MID1: variants seen among roughly 807,000 people sequenced by gnomAD.
MID1 encodes the protein E3 ubiquitin-protein ligase Midline-1.
MID1 carries 7 observed loss-of-function variants against 40.4 expected under a neutral mutation model. The ratio of observed to expected loss-of-function variants is 0.17; its 90% CI spans 0.10 to 0.33. MID1 has a LOEUF of 0.33. Among genes scored for constraint, MID1 ranks in the 10% least tolerant of loss-of-function variants. MID1 has a pLI of 1.00. For missense variants in MID1, 367 were observed against 558.5 expected, an observed-to-expected ratio of 0.66 and a Z score of 3.46; for synonymous variants, 229 against 221.2, an observed-to-expected ratio of 1.04 and a Z score of -0.31.
chrX:10,624,362 A>C (rs1164957753), upstream of MID1, among the ~76,000 whole-genome samples: 1 of 112,196 alleles, frequency 8.9e-6, no homozygotes, highest in Non-Finnish European at 1.9e-5. Flanking sequence ...TGTAGTCAGA[A>C]ATGTACCCTA....
At chrX:10,810,963 T>G (rs1282774926) in intron 1 of MID1, among the ~76,000 whole-genome samples, 1 of 110,821 alleles carries the variant, frequency 9.0e-6, no homozygotes, top group African/African-American at 3.3e-5. Flanking sequence ...TTGTGCCCTT[T>G]GCATTTTTTC....
At chrX:10,634,885 G>A (rs752863675) in intron 1 of MID1, among the ~76,000 whole-genome samples, 4 of 111,203 alleles carry the variant, frequency 3.6e-5, no homozygotes, top group Non-Finnish European at 5.7e-5. Context: ...CTGGGGCCAC[G>A]TTATGATTTT....
chrX:10,765,724 T>C (rs2043715511), intron 1 of MID1, among the ~76,000 whole-genome samples: 1 of 110,868 alleles, frequency 9.0e-6, no homozygotes, highest in African/African-American at 3.3e-5. Flanking sequence ...CATCACTGTT[T>C]TTAAAAGCTC....
At chrX:10,687,467 T>C (rs756512168) in intron 1 of MID1, among the ~76,000 whole-genome samples, 1 of 112,035 alleles carries the variant, frequency 8.9e-6, no homozygotes, top group Non-Finnish European at 1.9e-5. Flanking sequence ...TTTTGTTCAA[T>C]TCAGTATGGT....
intron 1 of MID1, among the ~76,000 whole-genome samples, chrX:10,635,180 G>A (rs1213945847): frequency 8.9e-6 from 1 of 112,301 alleles, no homozygotes; most frequent in East Asian, 2.8e-4. Context: ...CAATTTCATT[G>A]TCATTCCATC....
chrX:10,719,419 C>G (rs1200271937), intron 1 of MID1, among the ~76,000 whole-genome samples: 2 of 110,836 alleles, frequency 1.8e-5, no homozygotes, highest in African/African-American at 6.6e-5. Flanking sequence ...AAACAGAGAG[C>G]CAAATCATGA....
intron 1 of MID1, among the ~76,000 whole-genome samples, chrX:10,781,450 A>T (rs2043845092): frequency 8.9e-6 from 1 of 112,075 alleles, no homozygotes; most frequent in Non-Finnish European, 1.9e-5. Context: ...TGTGTTATGG[A>T]TATTGAACAC....
intron 1 of MID1, among the ~76,000 whole-genome samples, chrX:10,706,532 C>T (rs1036343332): frequency 9.1e-6 from 1 of 110,490 alleles, no homozygotes; most frequent in African/African-American, 3.3e-5. Flanking sequence ...AAGCGTTTTT[C>T]CCCCTTTTGC....
chrX:10,482,703 C>T (rs746952639), intron 4 of MID1, 75 bp from the exon 5 acceptor site: 1 of 1,062,577 alleles, frequency 9.4e-7, no homozygotes, highest in Admixed American at 2.2e-5. Flanking sequence ...AGGCTGGATC[C>T]TTCATTTTGT....
At chrX:10,630,547 G>C (rs373890061) in intron 1 of MID1, among the ~76,000 whole-genome samples, 2 of 109,706 alleles carry the variant, frequency 1.8e-5, no homozygotes, top group Admixed American at 2.0e-4. Context: ...GGGGGCGGGG[G>C]CAGTGGTTGT....
chrX:10,685,877 TAC>T (rs56245034), intron 1 of MID1, among the ~76,000 whole-genome samples: 7,816 of 80,311 alleles, frequency 0.097, 339 homozygotes, highest in Middle Eastern at 0.17. Flanking sequence ...CACATACTCA[TAC>T]ACACACACAC....
chrX:10,749,122 C>T (rs1478536256), intron 1 of MID1, among the ~76,000 whole-genome samples: 1 of 111,442 alleles, frequency 9.0e-6, no homozygotes, highest in Non-Finnish European at 1.9e-5. Flanking sequence ...TCTCTTCCAA[C>T]ATTGTCTGAA....
rs531532360 is a variant in MID1, at chrX:10,795,127, G to A, written c.-187+38427C>T. ...CCTCCACCCACACTGGATGCCAGGA[G>A]CATCGCACCTTCTCCCCCCAAAATG... On this transcript the variant is annotated intron_variant, in intron 1 of 10. Transcript: ENST00000380785. Among the ~76,000 whole-genome samples, 95 of 111,586 alleles carry A rather than the reference G, an allele frequency of 8.5e-4. 1 individual carries two copies. In the South Asian group the frequency reaches 0.034, roughly 40 times the overall value.
intron 1 of MID1, among the ~76,000 whole-genome samples, chrX:10,618,105 G>T (rs1487611183): frequency 8.9e-6 from 1 of 112,104 alleles, no homozygotes; most frequent in Non-Finnish European, 1.9e-5. Context: ...GCTATCAGTG[G>T]CAGGCAGGGG....
intron 1 of MID1, among the ~76,000 whole-genome samples, chrX:10,591,022 G>C (rs1241654997): frequency 9.0e-6 from 1 of 111,238 alleles, no homozygotes; most frequent in Non-Finnish European, 1.9e-5. Flanking sequence ...AATTAGACAA[G>C]AAGCTGGCTT....
At chrX:10,786,971 TA>T (rs745501413) in intron 1 of MID1, among the ~76,000 whole-genome samples, 1,256 of 98,233 alleles carry the variant, frequency 0.013, 12 homozygotes, top group African/African-American at 0.037. Context: ...AAACTTAAAG[TA>T]AAAAAAAAAA....
At chrX:10,495,525 T>C in intron 4 of MID1, 59 bp downstream of exon 4, 1 of 848,325 alleles carries the variant, frequency 1.2e-6, no homozygotes, top group East Asian at 3.1e-5. Context: ...CCCTGGAGTG[T>C]ATTAGGATTT....
At chrX:10,485,886 G>T (rs780637184) in intron 4 of MID1, among the ~76,000 whole-genome samples, 1 of 111,399 alleles carries the variant, frequency 9.0e-6, no homozygotes, top group Non-Finnish European at 1.9e-5. Flanking sequence ...TTAAGATTTA[G>T]TGTACATAAA....
At chrX:10,598,908 G>A (rs1935464773) in intron 1 of MID1, among the ~76,000 whole-genome samples, 1 of 111,756 alleles carries the variant, frequency 8.9e-6, no homozygotes, top group African/African-American at 3.3e-5. Context: ...TGGGGTGTTG[G>A]TTTAATCTGT....
Sources: gnomAD v4.1 joint callset for allele counts (sites outside exome capture counted in the v4.1 genomes callset) on GRCh38, gnomAD v4.1.1 for gene constraint, MANE v1.5 for transcripts, NCBI Gene and HGNC (gene_info 2026-07-23, HGNC 2026-07-21) for gene names.